SEC24A: variants seen among roughly 807,000 people sequenced by gnomAD.
SEC24A encodes protein transport protein Sec24A.
Under a neutral mutation model 129.4 loss-of-function variants are expected in SEC24A, and 93 were observed. That is an observed-to-expected ratio of 0.72 (90% confidence interval 0.61 to 0.85). The LOEUF is 0.85. Among genes scored for constraint, SEC24A ranks in the 40% least tolerant of loss-of-function variants. SEC24A has a pLI of 0.00. For missense variants in SEC24A, 1,264 were observed against 1,307.4 expected (o/e 0.97, Z 0.51); for synonymous variants, 460 against 467.3 (o/e 0.98, Z 0.20).
intron 16 of SEC24A, among the ~76,000 whole-genome samples, chr5:134,704,775 C>T (rs1752101878): frequency 1.3e-5 from 2 of 150,216 alleles, no homozygotes; most frequent in Admixed American, 1.3e-4. Context: ...TGCAGTCCTG[C>T]CTGGGCAACA....
chr5:134,695,363 A>C (rs113230180), intron 13 of SEC24A, among the ~76,000 whole-genome samples: 2,043 of 152,022 alleles, frequency 0.013, 18 homozygotes, highest in Middle Eastern at 0.041. Flanking sequence ...ACAACAACAA[A>C]AAAGATGGCT....
At chr5:134,664,792 C>CTTTTTTTTTTT (rs70976552) in intron 2 of SEC24A, among the ~76,000 whole-genome samples, 2 of 86,202 alleles carry the variant, frequency 2.3e-5, no homozygotes, top group African/African-American at 4.1e-5. Flanking sequence ...TTTTCTTTTT[C>CTTTTTTTTTTT]TTTTTTTTTT....
Position 134,674,670 on chromosome 5 carries a change from A to T in SEC24A, c.873A>T (p.Ser291=). 1 of 1,614,016 alleles carries T rather than the reference A, an allele frequency of 6.2e-7. No homozygotes were observed. The highest frequency in any genetic ancestry group is 8.5e-7 in the Non-Finnish European group (1 of 1,179,912). Reference sequence around the variant, plus strand: ...AAATGAGCCGAAGTGTTGGATATTCATATCCCTCCTTACCACCTGGTTATC... The same window carrying T: ...AAATGAGCCGAAGTGTTGGATATTCTTATCCCTCCTTACCACCTGGTTATC... The part of the protein sequence containing the change: ...NPKMSRSVGY[S]YPSLPPGYQN... Residue 291 remains serine (S), a synonymous_variant, in exon 5 of 23, where the codon TCA becomes TCT. Coordinates refer to ENST00000398844, the MANE Select transcript of SEC24A (RefSeq NM_021982.3).
intron 18 of SEC24A, among the ~76,000 whole-genome samples, chr5:134,712,710 C>T (rs962600784): frequency 2.6e-5 from 4 of 151,946 alleles, no homozygotes; most frequent in Non-Finnish European, 5.9e-5. Context: ...CCTCCGCCTC[C>T]GGGGTTCAAG....
intron 1 of SEC24A, among the ~76,000 whole-genome samples, chr5:134,654,706 C>T (rs911274482): frequency 1.3e-5 from 2 of 151,898 alleles, no homozygotes; most frequent in Admixed American, 1.3e-4. Context: ...TTAGAAACTG[C>T]AGTTTTGTTT....
intron 10 of SEC24A, among the ~76,000 whole-genome samples, 194 bp from the exon 11 acceptor site, chr5:134,687,987 G>A (rs1418058263): frequency 6.6e-6 from 1 of 151,912 alleles, no homozygotes; most frequent in Non-Finnish European, 1.5e-5. Flanking sequence ...TTATTGTTTG[G>A]CTTACATGTA....
At chr5:134,686,685 A>G in intron 9 of SEC24A, 105 bp from the exon 10 acceptor site, 2 of 589,648 alleles carry the variant, frequency 3.4e-6, no homozygotes, top group Non-Finnish European at 5.9e-6. Flanking sequence ...TCTCTACTCA[A>G]TCTGTAAATA....
At chr5:134,654,511 C>A (rs111486676) in intron 1 of SEC24A, among the ~76,000 whole-genome samples, 1 of 152,008 alleles carries the variant, frequency 6.6e-6, no homozygotes, top group Non-Finnish European at 1.5e-5. Flanking sequence ...TGAGCCACTG[C>A]GCCCAGCTGA....
Position 134,666,511 on chromosome 5 carries a change from A to C in SEC24A, c.566-312A>C, listed in dbSNP as rs76082886. ...GGTGGAGGTTGCAGTGAACTGAGAT[A>C]GCGCTATCGCATTCCAGCCTGGGCG... On this transcript the variant is annotated intron_variant, in intron 2 of 22. Transcript: ENST00000398844. 2.4e-4 allele frequency among the ~76,000 whole-genome samples: 37 copies of C among 152,072 alleles called. No individual in the cohort carries two copies. In the East Asian group the frequency reaches 7.2e-3, roughly 29 times the overall value.
At chr5:134,722,262 TG>T (rs1752647597) in intron 21 of SEC24A, among the ~76,000 whole-genome samples, 1 of 151,716 alleles carries the variant, frequency 6.6e-6, no homozygotes, top group Admixed American at 6.6e-5. Flanking sequence ...AGGCCGAGGC[TG>T]GCGAATCACC....
chr5:134,663,847 C>T (rs1021519678), intron 2 of SEC24A, among the ~76,000 whole-genome samples: 1 of 152,170 alleles, frequency 6.6e-6, no homozygotes, highest in Non-Finnish European at 1.5e-5. Flanking sequence ...TGGTGGCTCA[C>T]GCCTGTAAGC....
intron 13 of SEC24A, among the ~76,000 whole-genome samples, chr5:134,696,125 C>T (rs1403684591): frequency 6.6e-6 from 1 of 151,410 alleles, no homozygotes; most frequent in Admixed American, 6.6e-5. Flanking sequence ...AAAACATTAG[C>T]TGGGCATGGT....
chr5:134,675,105 G>T lies in SEC24A; in HGVS notation c.1039G>T (p.Gly347Cys), dbSNP rs778797719. Residue 347 changes from glycine (G) to cysteine (C), a missense_variant, in exon 6 of 23, where the codon GGT becomes TGT. Transcript: ENST00000398844. ...GAGTGGATTAAGTCTACAACCAGAG[G>T]GTCTAAGAGTTGTCAATCTTCTTCA... is the stretch of plus-strand genomic sequence containing the variant. ...SMSGLSLQPE[G>C]LRVVNLLQER... 1.1e-5 allele frequency: 18 copies of T among 1,612,682 alleles called. No homozygotes were observed. The highest frequency in any genetic ancestry group is 1.5e-5 in the Non-Finnish European group (18 of 1,179,124).
chr5:134,653,014 C>T (rs1384237056), intron 1 of SEC24A, among the ~76,000 whole-genome samples: 2 of 150,390 alleles, frequency 1.3e-5, no homozygotes, highest in African/African-American at 4.9e-5. Flanking sequence ...ACCATATTAG[C>T]TAGGATGGTC....
chr5:134,722,136 G>A (rs1275722618), intron 21 of SEC24A, among the ~76,000 whole-genome samples: 1 of 152,116 alleles, frequency 6.6e-6, no homozygotes, highest in South Asian at 2.1e-4. Flanking sequence ...TGTAAATAAG[G>A]TTTTATTGGA....
At chr5:134,722,891 C>CTTTGGGATA (rs1752664023) in intron 21 of SEC24A, among the ~76,000 whole-genome samples, 1 of 152,188 alleles carries the variant, frequency 6.6e-6, no homozygotes, top group African/African-American at 2.4e-5. Flanking sequence ...TGGTGGCTCA[C>CTTTGGGATA]ACCTGTTATC....
chr5:134,726,121 G>A lies in SEC24A; in HGVS notation c.*1027G>A, dbSNP rs1457539784. 1 of 152,446 alleles carries A rather than the reference G, an allele frequency of 6.6e-6. No homozygotes were observed. The highest frequency in any genetic ancestry group is 2.4e-5 in the African/African-American group (1 of 41,424). 9.4% of individuals were successfully genotyped at this position (152,446 alleles called of 1,614,324 possible). A position where few individuals can be genotyped will look rare whatever the true frequency, so the allele number is the denominator to read the frequency against. ...AGCATAAATGCTGCTGTTTGATTTG[G>A]TGGATATTAAGATTATACACATCCA... On this transcript the variant is annotated 3_prime_UTR_variant, in exon 23 of 23. Transcript: ENST00000398844.
At position 134,697,109 on chromosome 5, in the gene SEC24A, T is replaced by C; in HGVS notation, c.1987-17T>C. 7 of 1,365,974 alleles carry C rather than the reference T, an allele frequency of 5.1e-6. 1 individual carries two copies. Among genetic ancestry groups the C allele is most frequent in the Non-Finnish European group, 7.1e-6 (7 of 988,252 alleles). The allele number at this position is 1,365,974 out of a possible 1,614,324, so 84.6% of individuals were successfully genotyped here. On this transcript the variant is annotated splice_polypyrimidine_tract_variant and intron_variant, in intron 13 of 22. Coordinates refer to ENST00000398844, the MANE Select transcript of SEC24A (RefSeq NM_021982.3). Reference sequence around the variant, plus strand: ...AATGATTTTTTAAAATGTCTCTTTATAATTTATTATAAATAGGATATACAC... The same window carrying C: ...AATGATTTTTTAAAATGTCTCTTTACAATTTATTATAAATAGGATATACAC...
chr5:134,658,423 T>C (rs1750324950), intron 1 of SEC24A, among the ~76,000 whole-genome samples: 1 of 152,222 alleles, frequency 6.6e-6, no homozygotes, highest in South Asian at 2.1e-4. Flanking sequence ...CTTTTTGTTT[T>C]TGAGACACGT....
Sources: gnomAD v4.1 joint callset for allele counts (sites outside exome capture counted in the v4.1 genomes callset) on GRCh38, gnomAD v4.1.1 for gene constraint, MANE v1.5 for transcripts, NCBI Gene and HGNC (gene_info 2026-07-23, HGNC 2026-07-21) for gene names.